The following EPM2A variants were observed in gnomAD, a reference collection of about 807,000 sequenced individuals.
EPM2A encodes the protein laforin.
A neutral mutation model predicts 26.5 loss-of-function variants in EPM2A; 21 were observed. That is an observed-to-expected ratio of 0.79 (90% CI 0.56 to 1.14). The LOEUF (loss-of-function observed/expected upper bound fraction) is 1.14, where lower values mean the gene tolerates loss of function less well. EPM2A is among the 50% of genes most tolerant of loss of function. EPM2A has a pLI of 0.00. For missense variants in EPM2A, 458 were observed against 440.8 expected (o/e 1.04, Z -0.35); for synonymous variants, 217 against 177.6 (o/e 1.22, Z -1.76).
At chr6:145,611,162 T>C (rs989112668) in intron 2 of EPM2A, among the ~76,000 whole-genome samples, 1 of 152,202 alleles carries the variant, frequency 6.6e-6, no homozygotes, top group Non-Finnish European at 1.5e-5. Flanking sequence ...AGTATCTTTA[T>C]GAAAGTAATT....
At chr6:145,506,699 G>T (rs576808055) in intron 2 of EPM2A, among the ~76,000 whole-genome samples, 17 of 152,296 alleles carry the variant, frequency 1.1e-4, no homozygotes, top group African/African-American at 3.8e-4. Context: ...GGTTGTATCT[G>T]GGTCATACAA....
chr6:145,712,173 A>G (rs1775368975), intron 1 of EPM2A, among the ~76,000 whole-genome samples: 1 of 152,160 alleles, frequency 6.6e-6, no homozygotes, highest in Non-Finnish European at 1.5e-5. Flanking sequence ...ATTCATTTTA[A>G]GAAGGGGTGA....
intron 2 of EPM2A, among the ~76,000 whole-genome samples, chr6:145,683,562 A>G (rs1000679471): frequency 6.6e-6 from 1 of 152,150 alleles, no homozygotes; most frequent in African/African-American, 2.4e-5. Context: ...ACAGTTGAGT[A>G]TATGAACTAA....
chr6:145,552,999 C>G (rs1164136471), intron 2 of EPM2A, among the ~76,000 whole-genome samples: 3 of 152,074 alleles, frequency 2.0e-5, no homozygotes, highest in Non-Finnish European at 4.4e-5. Context: ...TGTCCCCACC[C>G]AAATCTCACC....
At chr6:145,487,003 C>T (rs1398752794) in intron 4 of EPM2A, among the ~76,000 whole-genome samples, 1 of 152,082 alleles carries the variant, frequency 6.6e-6, no homozygotes, top group Non-Finnish European at 1.5e-5. Context: ...TCACCCTCCA[C>T]CCTCCAATAG....
At chr6:145,654,485 T>C (rs981765562) in intron 2 of EPM2A, among the ~76,000 whole-genome samples, 2 of 152,220 alleles carry the variant, frequency 1.3e-5, no homozygotes, top group African/African-American at 2.4e-5. Flanking sequence ...AATTTCACTT[T>C]CTGTGTTATG....
At chr6:145,658,972 A>G (rs1421715675) in intron 2 of EPM2A, among the ~76,000 whole-genome samples, 2 of 152,192 alleles carry the variant, frequency 1.3e-5, no homozygotes, top group Non-Finnish European at 2.9e-5. Flanking sequence ...CATGAGAATT[A>G]AATGATATAA....
intron 4 of EPM2A, among the ~76,000 whole-genome samples, chr6:145,406,015 A>ACACAC (rs1562322873): frequency 9.5e-6 from 1 of 104,772 alleles, no homozygotes; most frequent in Non-Finnish European, 2.3e-5. Flanking sequence ...CACACACACA[A>ACACAC]CAGACAGACA....
At chr6:145,587,227 T>A (rs1781207025) in intron 2 of EPM2A, among the ~76,000 whole-genome samples, 1 of 152,196 alleles carries the variant, frequency 6.6e-6, no homozygotes, top group Non-Finnish European at 1.5e-5. Context: ...ATGCCTCATT[T>A]GAAAGAAGCA....
At chr6:145,496,076 A>G (rs1562358100) in intron 4 of EPM2A, among the ~76,000 whole-genome samples, 3 of 152,166 alleles carry the variant, frequency 2.0e-5, no homozygotes, top group African/African-American at 7.2e-5. Context: ...ATTTGGGCAA[A>G]TATGAAATTC....
At position 145,680,055 on chromosome 6, in the gene EPM2A, T is replaced by G. The variant is rs1375418882; in HGVS notation, c.476+6067A>C. 4.6e-5 allele frequency: 7 copies of G among 152,206 alleles called. No individual in the cohort carries two copies. The South Asian group carries it at 6.2e-4, about 14-fold the overall frequency. 9.4% of individuals were successfully genotyped at this position (152,206 alleles called of 1,614,324 possible). ...ACCTAGATCTAAAACCAAACAGTAG[T>G]AATATAATCATATTATTTATCATTT... is the stretch of plus-strand genomic sequence containing the variant. On this transcript the variant is annotated intron_variant, in intron 2 of 3. Transcript: ENST00000367519.
At chr6:145,552,280 AAATTAT>A (rs1780665630) in intron 2 of EPM2A, among the ~76,000 whole-genome samples, 1 of 152,068 alleles carries the variant, frequency 6.6e-6, no homozygotes, top group Non-Finnish European at 1.5e-5. Context: ...AAATGAAAAT[AAATTAT>A]ATTTTAGACA....
intron 4 of EPM2A, among the ~76,000 whole-genome samples, chr6:145,464,769 A>T (rs1295204599): frequency 3.3e-5 from 5 of 151,264 alleles, no homozygotes; most frequent in Admixed American, 3.3e-4. Flanking sequence ...AGATATGACA[A>T]CTCTCTCCTT....
intron 1 of EPM2A, among the ~76,000 whole-genome samples, chr6:145,706,894 A>C (rs1177236922): frequency 1.3e-5 from 2 of 152,182 alleles, no homozygotes; most frequent in African/African-American, 4.8e-5. Flanking sequence ...AATGATATTG[A>C]GGTAGGGACT....
chr6:145,686,940 T>C (rs2128615112), intron 1 of EPM2A: 1 of 154,260 alleles, frequency 6.5e-6, no homozygotes, highest in East Asian at 1.9e-4. Flanking sequence ...GTCTGATGCC[T>C]TTGTGATGCT....
At chr6:145,649,776 C>G (rs1347351317) in intron 2 of EPM2A, among the ~76,000 whole-genome samples, 1 of 152,168 alleles carries the variant, frequency 6.6e-6, no homozygotes, top group East Asian at 1.9e-4. Flanking sequence ...AGCTACTTTC[C>G]CACTGCAAAG....
At chr6:145,562,495 G>C (rs1780820484) in intron 2 of EPM2A, among the ~76,000 whole-genome samples, 1 of 152,094 alleles carries the variant, frequency 6.6e-6, no homozygotes, top group Non-Finnish European at 1.5e-5. Context: ...AGAGTAGCAG[G>C]TATTAAATAA....
intron 1 of EPM2A, among the ~76,000 whole-genome samples, chr6:145,697,457 A>T (rs1188485895): frequency 1.3e-5 from 2 of 152,168 alleles, no homozygotes; most frequent in Non-Finnish European, 2.9e-5. Flanking sequence ...CAATGATAAC[A>T]TCTTATTAGG....
chr6:145,624,671 G>A (rs187668309), downstream of EPM2A, among the ~76,000 whole-genome samples: 211 of 152,296 alleles, frequency 1.4e-3, 1 homozygote, highest in Non-Finnish European at 2.8e-4. Flanking sequence ...TGATCCAACT[G>A]ATTCTGCGTT....
Sources: gnomAD v4.1 joint callset for allele counts (sites outside exome capture counted in the v4.1 genomes callset) on GRCh38, gnomAD v4.1.1 for gene constraint, MANE v1.5 for transcripts, NCBI Gene and HGNC (gene_info 2026-07-23, HGNC 2026-07-21) for gene names.